AGBL1: variants seen among roughly 807,000 people sequenced by gnomAD.
AGBL1 encodes the protein cytosolic carboxypeptidase 4.
A neutral mutation model predicts 118.9 loss-of-function variants in AGBL1; 130 were observed. The ratio of observed to expected loss-of-function variants is 1.09; its 90% confidence interval spans 0.95 to 1.26. AGBL1 has a LOEUF of 1.26. Among genes scored for constraint, AGBL1 ranks in the 50% most tolerant of loss-of-function variants. AGBL1 has a pLI of 0.00. For synonymous variants in AGBL1, 555 were observed against 478.9 expected (o/e 1.16, Z -2.08); for missense variants, 1,584 against 1,298.1 (o/e 1.22, Z -3.38).
chr15:86,730,088 A>G (rs1291647392), intron 22 of AGBL1, among the ~76,000 whole-genome samples: 1 of 152,132 alleles, frequency 6.6e-6, no homozygotes. Flanking sequence ...AGTGCCTAAG[A>G]TTGAAACTGG....
chr15:86,768,721 T>C (rs888443244), intron 22 of AGBL1, among the ~76,000 whole-genome samples: 1 of 151,978 alleles, frequency 6.6e-6, no homozygotes, highest in Non-Finnish European at 1.5e-5. Context: ...AATTAAACCA[T>C]ATGAAATTAA....
chr15:87,010,209 G>A (rs971753109), intron 24 of AGBL1, among the ~76,000 whole-genome samples: 5 of 152,098 alleles, frequency 3.3e-5, no homozygotes, highest in Non-Finnish European at 7.4e-5. Context: ...TTACCATGCT[G>A]GTCTCATGAT....
intron 21 of AGBL1, among the ~76,000 whole-genome samples, chr15:86,663,626 GA>G (rs1286265068): frequency 1.3e-5 from 2 of 152,048 alleles, no homozygotes; most frequent in African/African-American, 2.4e-5. Context: ...GTGCCATATT[GA>G]GTTTTTTGGT....
chr15:86,617,777 C>G (rs1218060192), intron 21 of AGBL1, among the ~76,000 whole-genome samples: 1 of 151,878 alleles, frequency 6.6e-6, no homozygotes, highest in Non-Finnish European at 1.5e-5. Context: ...CACACACACA[C>G]ACACACACAC....
rs1183113904 is a variant in AGBL1 at position 86,625,389 on chromosome 15, T to C, written c.2995-48884T>C. On this transcript the variant is annotated intron_variant, in intron 21 of 22. Transcript: ENST00000614907. ...CGTTTTTTTTTTTTTGTTTTTGTTTTTTTTTTTTTTTACAAACACAGAAAC... is the reference window on the plus strand; with the variant it reads ...CGTTTTTTTTTTTTTGTTTTTGTTTCTTTTTTTTTTTACAAACACAGAAAC... Among the ~76,000 whole-genome samples the C allele has an allele frequency of 8.7e-5, 9 of 103,514 alleles. 1 individual carries two copies. Among genetic ancestry groups the C allele is most frequent in the Non-Finnish European group, 2.0e-5 (1 of 50,320 alleles). 67.9% of individuals were successfully genotyped at this position (103,514 alleles called of 152,430 possible). A position where few individuals can be genotyped will look rare whatever the true frequency, so the allele number is the denominator to read the frequency against.
chr15:86,375,056 A>T (rs936549604), intron 17 of AGBL1, among the ~76,000 whole-genome samples: 2 of 152,066 alleles, frequency 1.3e-5, no homozygotes, highest in Admixed American at 6.6e-5. Flanking sequence ...CTCCTTCTCT[A>T]CTCAGCCACT....
intron 17 of AGBL1, among the ~76,000 whole-genome samples, chr15:86,356,829 A>G (rs1305920189): frequency 6.6e-6 from 1 of 152,216 alleles, no homozygotes; most frequent in South Asian, 2.1e-4. Flanking sequence ...AAGCAAGGCG[A>G]TGCAGATTCT....
At chr15:86,649,846 T>C (rs775779172) in intron 21 of AGBL1, among the ~76,000 whole-genome samples, 1 of 152,148 alleles carries the variant, frequency 6.6e-6, no homozygotes, top group Non-Finnish European at 1.5e-5. Flanking sequence ...TTTTTATTTT[T>C]ACTTTTGTAA....
intron 22 of AGBL1, among the ~76,000 whole-genome samples, chr15:86,768,988 CT>C (rs777943285): frequency 4.6e-5 from 7 of 151,930 alleles, no homozygotes; most frequent in Non-Finnish European, 1.0e-4. Flanking sequence ...ACATAGACCC[CT>C]GGGTTAGAGA....
At chr15:86,812,724 G>A (rs1484113344) in intron 22 of AGBL1, among the ~76,000 whole-genome samples, 1 of 152,122 alleles carries the variant, frequency 6.6e-6, no homozygotes, top group African/African-American at 2.4e-5. Flanking sequence ...TCCATGCACT[G>A]CTGGAAATGC....
chr15:87,018,321 C>A (rs2081628286), intron 24 of AGBL1, among the ~76,000 whole-genome samples: 1 of 152,094 alleles, frequency 6.6e-6, no homozygotes, highest in Non-Finnish European at 1.5e-5. Context: ...TCATCGGATT[C>A]TCTAAGGTCA....
At chr15:86,694,199 T>C (rs1484094039) in intron 22 of AGBL1, among the ~76,000 whole-genome samples, 1 of 152,172 alleles carries the variant, frequency 6.6e-6, no homozygotes, top group Non-Finnish European at 1.5e-5. Flanking sequence ...ATGATCATTT[T>C]CACAATATTG....
rs147071426 is a variant in AGBL1, at chr15:86,319,987, C to T, written c.2374+24579C>T. On this transcript the variant is annotated intron_variant, in intron 17 of 22. Transcript: ENST00000614907. ...GGTCAGGCTGGTCTCAAACTCCTGA[C>T]CTCAGGTGATCCGCCTGCCTTGGCC... Among the ~76,000 whole-genome samples the T allele has an allele frequency of 4.1e-3, 629 of 152,092 alleles. 6 individuals are homozygous for T. Among genetic ancestry groups the T allele is most frequent in the African/African-American group, 0.014 (588 of 41,510 alleles).
At chr15:86,333,253 T>G (rs56068942) in intron 17 of AGBL1, among the ~76,000 whole-genome samples, 105,659 of 151,988 alleles carry the variant, frequency 0.7, 37,512 homozygotes, top group Non-Finnish European at 0.78. Context: ...CAAAGTTGGT[T>G]TTTTGAAAGC....
intron 23 of AGBL1, among the ~76,000 whole-genome samples, chr15:86,963,875 T>C (rs1370311335): frequency 6.6e-6 from 1 of 151,976 alleles, no homozygotes; most frequent in Non-Finnish European, 1.5e-5. Flanking sequence ...TCAGAGTTCA[T>C]ACTTATAAAG....
chr15:86,895,008 A>C (rs1045675710), intron 22 of AGBL1, among the ~76,000 whole-genome samples: 3 of 150,116 alleles, frequency 2.0e-5, no homozygotes, highest in African/African-American at 7.3e-5. Flanking sequence ...AGGGACATCT[A>C]ACAACAGTGT....
chr15:86,603,443 A>G (rs1439390934), intron 21 of AGBL1, among the ~76,000 whole-genome samples: 2 of 151,096 alleles, frequency 1.3e-5, no homozygotes, highest in Non-Finnish European at 2.9e-5. Flanking sequence ...GCCCCCTACC[A>G]TCTCAAGCAT....
intron 21 of AGBL1, among the ~76,000 whole-genome samples, chr15:86,636,070 G>A (rs1206629727): frequency 6.6e-6 from 1 of 152,150 alleles, no homozygotes. Context: ...CTCCTCCTCA[G>A]TGTGATGATC....
At chr15:86,618,897 G>T (rs1406302841) in intron 21 of AGBL1, among the ~76,000 whole-genome samples, 1 of 152,014 alleles carries the variant, frequency 6.6e-6, no homozygotes, top group African/African-American at 2.4e-5. Context: ...CCTTCTCTTG[G>T]GATACAGGTT....
Sources: gnomAD v4.1 joint callset for allele counts (sites outside exome capture counted in the v4.1 genomes callset) on GRCh38, gnomAD v4.1.1 for gene constraint, MANE v1.5 for transcripts, NCBI Gene and HGNC (gene_info 2026-07-23, HGNC 2026-07-21) for gene names.